The following RGL1 variants were observed in gnomAD, a reference collection of about 807,000 sequenced individuals.
RGL1 encodes the protein ral guanine nucleotide dissociation stimulator-like 1.
Under a neutral mutation model 95.2 loss-of-function variants are expected in RGL1, and 24 were observed. That is an observed-to-expected ratio of 0.25 (90% confidence interval 0.18 to 0.35). The LOEUF (loss-of-function observed/expected upper bound fraction) is 0.35, where lower values mean the gene tolerates loss of function less well. RGL1 is among the 10% of genes least tolerant of loss of function. The probability of loss-of-function intolerance (pLI) is 1.00; values close to 1 mark genes in which losing one functional copy is unlikely to be tolerated. For synonymous variants in RGL1, 329 were observed against 344.9 expected, an observed-to-expected ratio of 0.95 and a Z score of 0.51; for missense variants, 715 against 936.3, an observed-to-expected ratio of 0.76 and a Z score of 3.08.
intron 1 of RGL1, among the ~76,000 whole-genome samples, chr1:183,695,152 G>A (rs1228031620): frequency 6.6e-6 from 1 of 152,242 alleles, no homozygotes; most frequent in East Asian, 1.9e-4. Flanking sequence ...CATCATGTCT[G>A]TGGCCCCCAA....
intron 1 of RGL1, among the ~76,000 whole-genome samples, chr1:183,711,221 G>C (rs1255625315): frequency 1.3e-5 from 2 of 152,122 alleles, no homozygotes; most frequent in African/African-American, 4.8e-5. Flanking sequence ...CACACCCTCT[G>C]CACTCTACTT....
intron 1 of RGL1, among the ~76,000 whole-genome samples, chr1:183,731,289 A>C (rs1435751872): frequency 6.6e-6 from 1 of 152,224 alleles, no homozygotes; most frequent in African/African-American, 2.4e-5. Context: ...TATGTGAATA[A>C]GAAGTGAAAT....
At position 183,723,786 on chromosome 1, in the gene RGL1, G is replaced by A. The variant is rs543905406; in HGVS notation, c.-32-18340G>A. Among the ~76,000 whole-genome samples, 9 of 152,306 alleles carry A rather than the reference G, an allele frequency of 5.9e-5. No individual in the cohort carries two copies. In the South Asian group the frequency reaches 1.7e-3, roughly 28 times the overall value. On this transcript the variant is annotated intron_variant, in intron 1 of 18. Transcript: ENST00000304685. ...TCCTAGTGCTGGGCTCAGAGCCAGTGGATTTTGAGGGCATGCAACCTAGAG... is the reference window on the plus strand; with the variant it reads ...TCCTAGTGCTGGGCTCAGAGCCAGTAGATTTTGAGGGCATGCAACCTAGAG...
chr1:183,821,435 G>A (rs1019419270), intron 2 of RGL1, among the ~76,000 whole-genome samples: 1 of 152,170 alleles, frequency 6.6e-6, no homozygotes, highest in African/African-American at 2.4e-5. Context: ...CATGTAAAAT[G>A]TATTTTTTCT....
intron 2 of RGL1, among the ~76,000 whole-genome samples, chr1:183,784,812 T>C (rs1660075689): frequency 1.3e-5 from 2 of 152,164 alleles, no homozygotes; most frequent in African/African-American, 2.4e-5. Flanking sequence ...TCCTAGTGTG[T>C]AAAAGGAACC....
Position 183,916,914 on chromosome 1 carries a change from C to T in RGL1, c.2004+213C>T, listed in dbSNP as rs149071779. Among the ~76,000 whole-genome samples, 132 of 152,156 alleles carry T rather than the reference C, an allele frequency of 8.7e-4. 1 individual carries two copies. The highest frequency in any genetic ancestry group is 3.8e-4 in the Non-Finnish European group (26 of 68,018). ...TATAAAATATATATACATATATATGCACACACATGGTGTATATAGGATATA... is the reference window on the plus strand; with the variant it reads ...TATAAAATATATATACATATATATGTACACACATGGTGTATATAGGATATA... On this transcript the variant is annotated intron_variant, in intron 16 of 17. Transcript: ENST00000360851.
intron 1 of RGL1, among the ~76,000 whole-genome samples, chr1:183,711,148 C>T (rs1290129299): frequency 2.6e-5 from 4 of 152,112 alleles, no homozygotes; most frequent in Admixed American, 6.6e-5. Flanking sequence ...GGCTGGGTTA[C>T]CCTTTGCAGT....
chr1:183,738,419 T>TA (rs1022833969), intron 1 of RGL1, among the ~76,000 whole-genome samples: 91 of 142,096 alleles, frequency 6.4e-4, no homozygotes, highest in African/African-American at 1.9e-3. Context: ...AGACTCCGTC[T>TA]AAAAAAAAAA....
intron 2 of RGL1, among the ~76,000 whole-genome samples, chr1:183,758,462 G>A (rs1420449749): frequency 1.3e-5 from 2 of 152,158 alleles, no homozygotes; most frequent in African/African-American, 2.4e-5. Context: ...CTCCCAAAGT[G>A]CTAGGATTAC....
intron 1 of RGL1, among the ~76,000 whole-genome samples, chr1:183,732,358 T>C (rs1289961932): frequency 6.6e-6 from 1 of 152,052 alleles, no homozygotes; most frequent in East Asian, 1.9e-4. Context: ...TGGAATGAAA[T>C]GGTAACATGG....
chr1:183,768,264 A>G (rs1404366817), intron 2 of RGL1, among the ~76,000 whole-genome samples: 1 of 151,862 alleles, frequency 6.6e-6, no homozygotes, highest in African/African-American at 2.4e-5. Context: ...ATTTTATTTT[A>G]GGACAAAAAT....
intron 1 of RGL1, among the ~76,000 whole-genome samples, chr1:183,740,999 A>T (rs1214602388): frequency 1.3e-5 from 2 of 152,192 alleles, no homozygotes; most frequent in African/African-American, 4.8e-5. Flanking sequence ...AGAATAACAA[A>T]GGAGGGAGGC....
At chr1:183,643,262 T>TTTAA (rs1553265192) in intron 1 of RGL1, among the ~76,000 whole-genome samples, 1 of 136,434 alleles carries the variant, frequency 7.3e-6, no homozygotes, top group Non-Finnish European at 1.6e-5. Flanking sequence ...GGTCCTGTTT[T>TTTAA]TTTATTTATT....
intron 2 of RGL1, among the ~76,000 whole-genome samples, chr1:183,814,559 TTA>T (rs1418623515): frequency 6.6e-6 from 1 of 152,218 alleles, no homozygotes; most frequent in Non-Finnish European, 1.5e-5. Flanking sequence ...CAGAAGTTTT[TTA>T]TGTTTTTCTT....
At chr1:183,644,738 C>A (rs1395730101) in intron 1 of RGL1, among the ~76,000 whole-genome samples, 1 of 152,088 alleles carries the variant, frequency 6.6e-6, no homozygotes, top group African/African-American at 2.4e-5. Context: ...GTGAGTTAAA[C>A]TTTTTGGATT....
chr1:183,857,350 C>A (rs541599146), intron 3 of RGL1, among the ~76,000 whole-genome samples: 1 of 152,222 alleles, frequency 6.6e-6, no homozygotes, highest in South Asian at 2.1e-4. Context: ...CCATTGAGAC[C>A]CTTGTTGGAC....
intron 2 of RGL1, among the ~76,000 whole-genome samples, chr1:183,826,516 A>C (rs1662872047): frequency 6.6e-6 from 1 of 152,198 alleles, no homozygotes. Flanking sequence ...AACAGCACCT[A>C]GCCGATGGAA....
At chr1:183,779,140 G>A (rs558122407) in intron 2 of RGL1, among the ~76,000 whole-genome samples, 1 of 151,180 alleles carries the variant, frequency 6.6e-6, no homozygotes, top group East Asian at 1.9e-4. Flanking sequence ...TTGGAGCATT[G>A]CAAAATTTCA....
chr1:183,926,248 A>T lies in RGL1; in HGVS notation c.2263A>T (p.Lys755Ter). Reference protein sequence around the residue: ...RTSLTLPRTAKRGCWSNRHSK... With the variant: ...RTSLTLPRTA ...CAGCTTGACGTTGCCCAGGACAGCT[A>T]AACGGGGCTGCTGGAGTAACAGACA... Residue 755 changes from lysine (K) to a stop codon, truncating the protein, a stop_gained, in exon 18 of 18, where the codon AAA (lysine) becomes TAA (stop). Coordinates refer to ENST00000360851, the MANE Select transcript of RGL1 (RefSeq NM_001297671.3). LOFTEE classifies it high-confidence loss of function. The T allele has an allele frequency of 6.2e-7, 1 of 1,613,466 alleles. No individual in the cohort carries two copies. Among genetic ancestry groups the T allele is most frequent in the Non-Finnish European group, 8.5e-7 (1 of 1,179,694 alleles).
Sources: allele counts gnomAD v4.1 joint callset (sites outside exome capture counted in the v4.1 genomes callset), GRCh38; gene constraint gnomAD v4.1.1; transcripts MANE v1.5; gene names NCBI Gene and HGNC (gene_info 2026-07-23, HGNC 2026-07-21).